PRAG1: variants seen among roughly 807,000 people sequenced by gnomAD.
The protein encoded by PRAG1 is PEAK1 related, kinase-activating pseudokinase 1, also known as inactive tyrosine-protein kinase PRAG1.
Under a neutral mutation model 95.6 loss-of-function variants are expected in PRAG1, and 110 were observed. The observed-to-expected ratio is 1.15, with a 90% CI of 0.99 to 1.35. The LOEUF is 1.35. PRAG1 is among the 40% of genes most tolerant of loss of function. The probability of loss-of-function intolerance (pLI) is 0.00; values close to 1 mark genes in which losing one functional copy is unlikely to be tolerated. For missense variants in PRAG1, 2,554 were observed against 1,864.7 expected (o/e 1.37, Z -6.81); for synonymous variants, 1,052 against 819.4 (o/e 1.28, Z -4.85).
At position 8,328,127 on chromosome 8, in the gene PRAG1, A is replaced by AG. The variant is rs1448695774; in HGVS notation, c.2654dup (p.Lys887GlnfsTer85). On this transcript the variant is annotated frameshift_variant, in exon 5 of 6. Transcript: ENST00000615670. LOFTEE classifies it high-confidence loss of function. Reference sequence around the variant, plus strand: ...GAAGCCAGTGGCCACTGCCTTTGAAAGCTTTCTCCAGAGGATCGGAAGAGG... The same window carrying AG: ...GAAGCCAGTGGCCACTGCCTTTGAAAGGCTTTCTCCAGAGGATCGGAAGAGG... The AG allele has an allele frequency of 6.2e-7, 1 of 1,613,966 alleles. No individual in the cohort carries two copies. The highest frequency in any genetic ancestry group is 1.7e-5 in the Admixed American group (1 of 60,022).
intron 4 of PRAG1, among the ~76,000 whole-genome samples, chr8:8,330,202 C>A (rs1798774805): frequency 1.3e-5 from 2 of 150,988 alleles, no homozygotes; most frequent in Non-Finnish European, 3.0e-5. Flanking sequence ...CCCAACTCTA[C>A]AAAAGATACA....
rs1798696944 is a variant in PRAG1 at position 8,328,107 on chromosome 8, C to T, written c.2675G>A (p.Trp892Ter). ...GCCCGCCAGCCCTGCTGCCGGAAGC[C>T]AGTGGCCACTGCCTTTGAAAGCTTT... is the stretch of plus-strand genomic sequence containing the variant. ...LEKAFKGSGH[W>*]LPAAGLAGNR... Residue 892 changes from tryptophan (W) to a stop codon, truncating the protein, a stop_gained, in exon 5 of 6, where the codon TGG becomes TAG. Coordinates refer to ENST00000615670, the MANE Select transcript of PRAG1 (RefSeq NM_001080826.3). LOFTEE classifies it high-confidence loss of function. 6.2e-7 allele frequency: 1 copy of T among 1,612,760 alleles called. No individual in the cohort carries two copies. Among genetic ancestry groups the T allele is most frequent in the African/African-American group, 1.3e-5 (1 of 74,918 alleles).
intron 4 of PRAG1, among the ~76,000 whole-genome samples, 197 bp downstream of exon 4, chr8:8,339,281 G>A (rs944965643): frequency 1.3e-5 from 2 of 152,192 alleles, no homozygotes; most frequent in Non-Finnish European, 2.9e-5. Flanking sequence ...TTTGGAGAGG[G>A]CAATATGGAT....
intron 4 of PRAG1, among the ~76,000 whole-genome samples, chr8:8,335,887 C>A (rs1456527381): frequency 6.6e-6 from 1 of 152,148 alleles, no homozygotes; most frequent in Admixed American, 6.5e-5. Context: ...TTGTACCCAG[C>A]ACAGAGTTTG....
At chr8:8,344,496 C>A (rs1449156901) in intron 3 of PRAG1, among the ~76,000 whole-genome samples, 2 of 152,168 alleles carry the variant, frequency 1.3e-5, no homozygotes, top group African/African-American at 2.4e-5. Context: ...AGTGATTGCT[C>A]TGGGTAGCAA....
At chr8:8,359,436 GA>G (rs1231115117) in intron 3 of PRAG1, among the ~76,000 whole-genome samples, 5 of 152,136 alleles carry the variant, frequency 3.3e-5, no homozygotes, top group Admixed American at 3.3e-4. Flanking sequence ...TCTTTCTATT[GA>G]CCGGACCATC....
At chr8:8,366,341 T>G (rs1800006361) in intron 3 of PRAG1, among the ~76,000 whole-genome samples, 1 of 150,712 alleles carries the variant, frequency 6.6e-6, no homozygotes, top group Admixed American at 6.6e-5. Context: ...GAGACGGAGT[T>G]TCACTCTTGT....
intron 4 of PRAG1, among the ~76,000 whole-genome samples, chr8:8,338,424 C>T (rs1046584088): frequency 1.3e-5 from 2 of 152,074 alleles, no homozygotes; most frequent in African/African-American, 2.4e-5. Flanking sequence ...CACAGGGGCT[C>T]GTGGTCGAGA....
intron 3 of PRAG1, among the ~76,000 whole-genome samples, chr8:8,372,293 T>G (rs112284045): frequency 6.6e-6 from 1 of 152,328 alleles, no homozygotes; most frequent in East Asian, 1.9e-4. Flanking sequence ...GTGCTGGGAT[T>G]ATAGGTGTCA....
intron 3 of PRAG1, among the ~76,000 whole-genome samples, chr8:8,347,829 T>C (rs201600000): frequency 1.1e-4 from 17 of 150,178 alleles, no homozygotes; most frequent in African/African-American, 4.1e-4. Flanking sequence ...TTTTTTTTTA[T>C]TTTTTGAGGC....
chr8:8,364,978 G>T (rs547282671), intron 3 of PRAG1, among the ~76,000 whole-genome samples: 35 of 152,246 alleles, frequency 2.3e-4, no homozygotes, highest in African/African-American at 8.2e-4. Flanking sequence ...TTCACGTCTT[G>T]AAGATGACAT....
intron 4 of PRAG1, among the ~76,000 whole-genome samples, chr8:8,336,911 C>A (rs1413351050): frequency 2.6e-5 from 2 of 77,412 alleles, no homozygotes; most frequent in African/African-American, 5.3e-5. Context: ...ACCCCTTTCC[C>A]CCCTCCCCCC....
chr8:8,337,710 A>G (rs1466197630), intron 4 of PRAG1, among the ~76,000 whole-genome samples: 1 of 152,204 alleles, frequency 6.6e-6, no homozygotes, highest in East Asian at 1.9e-4. Flanking sequence ...ATACCACGAC[A>G]ATATATTCAT....
chr8:8,328,421 C>A lies in PRAG1; in HGVS notation c.2361G>T (p.Gly787=), dbSNP rs762032938. 1.9e-6 allele frequency: 3 copies of A among 1,613,714 alleles called. No individual in the cohort carries two copies. In the South Asian group the frequency reaches 3.3e-5, roughly 18 times the overall value. ...SELAHSPTNS[G]KKLFAPVPFP... ...ACGGAACGGGAGCAAAGAGCTTCTT[C>A]CCGCTGTTGGTGGGCGAGTGAGCCA... Residue 787 remains glycine, a synonymous_variant, in exon 5 of 6, where the codon GGG becomes GGT. Coordinates refer to ENST00000615670, the MANE Select transcript of PRAG1 (RefSeq NM_001080826.3).
chr8:8,356,797 T>C (rs1271361689), intron 3 of PRAG1, among the ~76,000 whole-genome samples: 1 of 152,170 alleles, frequency 6.6e-6, no homozygotes, highest in Non-Finnish European at 1.5e-5. Context: ...GATACAAAAC[T>C]ACAGTAATTT....
chr8:8,333,903 G>C (rs895112340), intron 4 of PRAG1, among the ~76,000 whole-genome samples: 2 of 152,232 alleles, frequency 1.3e-5, no homozygotes, highest in Admixed American at 1.3e-4. Context: ...ATTCTCTCAT[G>C]TGAGAGGTGA....
chr8:8,348,768 C>A (rs1320161657), intron 3 of PRAG1, among the ~76,000 whole-genome samples: 1 of 152,180 alleles, frequency 6.6e-6, no homozygotes. Flanking sequence ...GAGTCTGAAT[C>A]ACATCACTGA....
Position 8,377,117 on chromosome 8 carries a change from G to A in PRAG1, c.1292C>T (p.Ala431Val), listed in dbSNP as rs371427966. 1 of 1,613,166 alleles carries A rather than the reference G, an allele frequency of 6.2e-7. No homozygotes were observed. Among genetic ancestry groups the A allele is most frequent in the Non-Finnish European group, 8.5e-7 (1 of 1,180,024 alleles). The change falls in exon 3 of 6, where the codon GCC (alanine) becomes GTC (valine). Residue 431 changes from alanine (A) to valine (V), a missense_variant. Ala to Val is a moderately conservative substitution (Grantham distance 64). Transcript: ENST00000615670. ...KAAPVPSKSQ[A>V]KIEHAAAAQG... is the part of the protein sequence containing the mutation. ...GGCAGCAGCTGCATGTTCTATCTTG[G>A]CCTGTGACTTGGAAGGCACCGGAGC...
At chr8:8,383,972 C>A (rs1033374709) in intron 1 of PRAG1, among the ~76,000 whole-genome samples, 4 of 152,182 alleles carry the variant, frequency 2.6e-5, no homozygotes, top group Admixed American at 2.6e-4. Flanking sequence ...ACTGTCTACA[C>A]CTTCTAGGCC....
Sources: gnomAD v4.1 joint callset for allele counts (sites outside exome capture counted in the v4.1 genomes callset) on GRCh38, gnomAD v4.1.1 for gene constraint, MANE v1.5 for transcripts, NCBI Gene and HGNC (gene_info 2026-07-23, HGNC 2026-07-21) for gene names.